SND1: variants seen among roughly 807,000 people sequenced by gnomAD.
SND1 encodes the protein staphylococcal nuclease domain-containing protein 1.
Under a neutral mutation model 121.7 loss-of-function variants are expected in SND1, and 38 were observed. The observed-to-expected ratio is 0.31, with a 90% confidence interval of 0.24 to 0.41. SND1 has a LOEUF of 0.41. Among genes scored for constraint, SND1 ranks in the 10% least tolerant of loss-of-function variants. The probability of loss-of-function intolerance (pLI) is 1.00; values close to 1 mark genes in which losing one functional copy is unlikely to be tolerated. For missense variants in SND1, 868 were observed against 1,184.6 expected (o/e 0.73, Z 3.92); for synonymous variants, 401 against 447.4 (o/e 0.90, Z 1.31).
rs1354012766 is a variant in SND1 at position 127,974,098 on chromosome 7, C to T, written c.1670-16849C>T. ...CTTACATAAGATGTGTGTGTTCTGGCAGGGAAGAGCTGCCTGAGTGAGTGT... is the reference window on the plus strand; with the variant it reads ...CTTACATAAGATGTGTGTGTTCTGGTAGGGAAGAGCTGCCTGAGTGAGTGT... On this transcript the variant is annotated intron_variant, in intron 15 of 23. Coordinates refer to ENST00000354725, the MANE Select transcript of SND1 (RefSeq NM_014390.4). 2.6e-5 allele frequency among the ~76,000 whole-genome samples: 4 copies of T among 152,320 alleles called. 1 individual carries two copies. The East Asian group carries it at 7.7e-4, about 29-fold the overall frequency.
At chr7:127,806,624 G>A (rs574670782) in intron 10 of SND1, among the ~76,000 whole-genome samples, 1 of 152,052 alleles carries the variant, frequency 6.6e-6, no homozygotes, top group Middle Eastern at 3.4e-3. Flanking sequence ...ATAGCATTTA[G>A]TCCCTAGTCT....
chr7:127,673,177 ATATAC>A (rs926640260), intron 1 of SND1, among the ~76,000 whole-genome samples: 4 of 138,194 alleles, frequency 2.9e-5, no homozygotes, highest in African/African-American at 8.6e-5. Flanking sequence ...ATATATAAAC[ATATAC>A]TATATATTAT....
At chr7:127,986,709 G>C (rs1802399015) in intron 15 of SND1, among the ~76,000 whole-genome samples, 1 of 152,256 alleles carries the variant, frequency 6.6e-6, no homozygotes, top group South Asian at 2.1e-4. Flanking sequence ...AGATGGACCT[G>C]TAGAGTTTGA....
intron 10 of SND1, among the ~76,000 whole-genome samples, chr7:127,774,359 G>A (rs916215475): frequency 6.6e-6 from 1 of 152,172 alleles, no homozygotes; most frequent in Non-Finnish European, 1.5e-5. Flanking sequence ...AGTAAGCCAA[G>A]ATTAATCTAT....
chr7:127,817,894 C>A (rs1798476941), intron 11 of SND1, among the ~76,000 whole-genome samples: 4 of 152,044 alleles, frequency 2.6e-5, no homozygotes, highest in Admixed American at 2.6e-4. Context: ...GGCAAAGAGC[C>A]TCTCTTGTCT....
intron 16 of SND1, among the ~76,000 whole-genome samples, chr7:127,996,997 T>C (rs1338509362): frequency 6.6e-6 from 1 of 152,228 alleles, no homozygotes; most frequent in Non-Finnish European, 1.5e-5. Flanking sequence ...CCTGTCTTAA[T>C]AGCGATCAAA....
At chr7:127,963,722 A>G (rs1283898413) in intron 15 of SND1, among the ~76,000 whole-genome samples, 1 of 59,342 alleles carries the variant, frequency 1.7e-5, no homozygotes, top group Admixed American at 2.0e-4. Flanking sequence ...ATACGTGTGC[A>G]TGTGTCTTTA....
chr7:127,716,453 T>G (rs1796391511), intron 9 of SND1, among the ~76,000 whole-genome samples: 1 of 152,258 alleles, frequency 6.6e-6, no homozygotes, highest in East Asian at 1.9e-4. Context: ...AGTATTTTGT[T>G]CTTTTTTGAT....
chr7:127,820,437 C>T (rs538591148), intron 11 of SND1, among the ~76,000 whole-genome samples: 1 of 152,270 alleles, frequency 6.6e-6, no homozygotes, highest in South Asian at 2.1e-4. Flanking sequence ...AACTCCACAG[C>T]ATGGGAGAGT....
Position 127,959,385 on chromosome 7 carries a change from C to T in SND1, c.1669+30056C>T, listed in dbSNP as rs10276490. Among the ~76,000 whole-genome samples, 145 of 152,274 alleles carry T rather than the reference C, an allele frequency of 9.5e-4. 1 individual carries two copies. The highest frequency in any genetic ancestry group is 3.3e-3 in the African/African-American group (139 of 41,552). Reference sequence around the variant, plus strand: ...TATGTCTTCATCCCTGGGTACCATTCTATTCTAACAGTGGCTTTCCATTTG... The same window carrying T: ...TATGTCTTCATCCCTGGGTACCATTTTATTCTAACAGTGGCTTTCCATTTG... On this transcript the variant is annotated intron_variant, in intron 15 of 23. Coordinates refer to ENST00000354725, the MANE Select transcript of SND1 (RefSeq NM_014390.4).
chr7:127,895,735 A>G (rs1396171402), intron 13 of SND1, among the ~76,000 whole-genome samples: 1 of 152,118 alleles, frequency 6.6e-6, no homozygotes, highest in Non-Finnish European at 1.5e-5. Context: ...AAGATGATGC[A>G]CTCAACATCC....
intron 15 of SND1, among the ~76,000 whole-genome samples, chr7:127,937,181 AAAGGTGG>A (rs1801078810): frequency 6.6e-6 from 1 of 152,112 alleles, no homozygotes. Flanking sequence ...CCTTAGTGTT[AAAGGTGG>A]TACCGCAGTA....
intron 11 of SND1, among the ~76,000 whole-genome samples, chr7:127,822,713 A>C (rs1042352530): frequency 1.3e-5 from 2 of 152,182 alleles, no homozygotes; most frequent in Non-Finnish European, 2.9e-5. Flanking sequence ...ATAATTTTCA[A>C]CTTAGCTAGT....
chr7:127,723,475 A>G (rs1450557939), intron 10 of SND1, among the ~76,000 whole-genome samples: 1 of 152,154 alleles, frequency 6.6e-6, no homozygotes, highest in African/African-American at 2.4e-5. Context: ...GCAATAATCT[A>G]CAACATATGG....
intron 16 of SND1, among the ~76,000 whole-genome samples, chr7:128,034,351 C>G (rs886982583): frequency 6.6e-6 from 1 of 152,160 alleles, no homozygotes; most frequent in Admixed American, 6.5e-5. Flanking sequence ...GGGTTTAGTT[C>G]CATCTGGGCA....
At chr7:128,030,155 G>T (rs1387015540) in intron 16 of SND1, 4 of 1,614,216 alleles carry the variant, frequency 2.5e-6, no homozygotes, top group South Asian at 2.2e-5. Flanking sequence ...CGTAAGAGGG[G>T]ATGCTTTCGA....
At chr7:128,062,731 C>G (rs1221603152) in intron 16 of SND1, among the ~76,000 whole-genome samples, 1 of 152,184 alleles carries the variant, frequency 6.6e-6, no homozygotes, top group East Asian at 1.9e-4. Context: ...CCTTCCCACC[C>G]TGACATGGGA....
At chr7:127,825,203 C>T (rs560092610) in intron 11 of SND1, among the ~76,000 whole-genome samples, 7 of 152,302 alleles carry the variant, frequency 4.6e-5, no homozygotes, top group South Asian at 2.1e-4. Context: ...CTCCGCCTCC[C>T]GGGTTCAAGT....
At chr7:127,989,511 C>A (rs1207544593) in intron 15 of SND1, among the ~76,000 whole-genome samples, 1 of 152,172 alleles carries the variant, frequency 6.6e-6, no homozygotes. Flanking sequence ...TACCTTCTAT[C>A]CTAGCAACAG....
Sources: allele counts gnomAD v4.1 joint callset (sites outside exome capture counted in the v4.1 genomes callset), GRCh38; gene constraint gnomAD v4.1.1; transcripts MANE v1.5; gene names NCBI Gene and HGNC (gene_info 2026-07-23, HGNC 2026-07-21).